The following MACROD2 variants were observed in gnomAD, a reference collection of about 807,000 sequenced individuals.
MACROD2 encodes mono-ADP ribosylhydrolase 2.
A neutral mutation model predicts 70.4 loss-of-function variants in MACROD2; 36 were observed. The observed-to-expected ratio is 0.51, with a 90% CI of 0.39 to 0.68. The LOEUF (loss-of-function observed/expected upper bound fraction) is 0.68. MACROD2 is among the 30% of genes least tolerant of loss of function. The pLI, the probability that MACROD2 is intolerant of heterozygous loss-of-function variation, is 0.00. For missense variants in MACROD2, 496 were observed against 538.4 expected (o/e 0.92, Z 0.78); for synonymous variants, 172 against 178.8 (o/e 0.96, Z 0.30).
chr20:14,055,532 T>C (rs1240849304), intron 2 of MACROD2, among the ~76,000 whole-genome samples: 2 of 148,358 alleles, frequency 1.3e-5, no homozygotes, highest in African/African-American at 2.5e-5. Flanking sequence ...AAAATACATA[T>C]ATATACACAT....
intron 3 of MACROD2, among the ~76,000 whole-genome samples, chr20:14,204,013 C>T (rs1412280737): frequency 1.3e-5 from 2 of 152,144 alleles, no homozygotes; most frequent in African/African-American, 4.8e-5. Flanking sequence ...GCAGCTTAAC[C>T]CTTGGGCCCC....
At chr20:14,003,214 C>T (rs1001682129) in intron 2 of MACROD2, among the ~76,000 whole-genome samples, 2 of 151,980 alleles carry the variant, frequency 1.3e-5, no homozygotes, top group African/African-American at 4.8e-5. Flanking sequence ...TACTATGGGC[C>T]CAGAATAAAG....
At chr20:15,979,060 C>T (rs2066355186) in intron 13 of MACROD2, among the ~76,000 whole-genome samples, 1 of 152,108 alleles carries the variant, frequency 6.6e-6, no homozygotes, top group Admixed American at 6.5e-5. Context: ...CCAGGTCATG[C>T]TAGCAGAGAA....
intron 4 of MACROD2, among the ~76,000 whole-genome samples, chr20:14,570,916 T>C (rs1010079646): frequency 6.6e-6 from 1 of 152,032 alleles, no homozygotes; most frequent in Non-Finnish European, 1.5e-5. Flanking sequence ...TAGCCTGGTT[T>C]ATTCCTACTT....
At chr20:14,545,082 A>G (rs1022845860) in intron 4 of MACROD2, among the ~76,000 whole-genome samples, 4 of 152,326 alleles carry the variant, frequency 2.6e-5, no homozygotes, top group African/African-American at 7.2e-5. Context: ...TGGGAACACT[A>G]TATTCACTCT....
At chr20:15,603,487 G>A (rs1358159874) in intron 8 of MACROD2, among the ~76,000 whole-genome samples, 1 of 137,702 alleles carries the variant, frequency 7.3e-6, no homozygotes, top group African/African-American at 2.8e-5. Flanking sequence ...TAGCCTGGGT[G>A]ACAGAGTGAG....
chr20:14,559,377 TTTAATACCTTA>T (rs1171795254), intron 4 of MACROD2, among the ~76,000 whole-genome samples: 1 of 151,736 alleles, frequency 6.6e-6, no homozygotes, highest in Admixed American at 6.6e-5. Context: ...ATCTAGCAGT[TTTAATACCTTA>T]TACATTTTAA....
At chr20:14,285,015 A>T (rs551450530) in intron 3 of MACROD2, among the ~76,000 whole-genome samples, 1 of 152,342 alleles carries the variant, frequency 6.6e-6, no homozygotes, top group East Asian at 1.9e-4. Flanking sequence ...AACACATTAA[A>T]ATAAATCTGT....
intron 6 of MACROD2, among the ~76,000 whole-genome samples, chr20:15,420,187 T>C (rs576958973): frequency 6.6e-6 from 1 of 152,328 alleles, no homozygotes; most frequent in African/African-American, 2.4e-5. Flanking sequence ...AATAAATTCA[T>C]GGTGAAACTA....
At chr20:15,359,209 CCA>C (rs1164017122) in intron 6 of MACROD2, among the ~76,000 whole-genome samples, 8 of 152,126 alleles carry the variant, frequency 5.3e-5, no homozygotes, top group Non-Finnish European at 8.8e-5. Flanking sequence ...TGCTCATCTT[CCA>C]TAGTCGTTTC....
chr20:14,577,933 A>G (rs1980721626), intron 4 of MACROD2, among the ~76,000 whole-genome samples: 1 of 152,126 alleles, frequency 6.6e-6, no homozygotes, highest in South Asian at 2.1e-4. Context: ...AATTCCCTCA[A>G]TGTAAGATGA....
chr20:14,236,404 C>T (rs1172786246), intron 3 of MACROD2, among the ~76,000 whole-genome samples: 2 of 151,834 alleles, frequency 1.3e-5, no homozygotes, highest in African/African-American at 4.8e-5. Context: ...AGTAGTGTTG[C>T]TTAGAAGACA....
chr20:15,407,745 T>C (rs932559032), intron 6 of MACROD2, among the ~76,000 whole-genome samples: 3 of 152,168 alleles, frequency 2.0e-5, no homozygotes, highest in Non-Finnish European at 4.4e-5. Flanking sequence ...ATTAAATGAA[T>C]ACTAAATTTA....
intron 8 of MACROD2, among the ~76,000 whole-genome samples, chr20:15,851,950 A>G (rs1193551087): frequency 6.6e-6 from 1 of 152,196 alleles, no homozygotes; most frequent in African/African-American, 2.4e-5. Flanking sequence ...TAATCGTGAA[A>G]AGAAAGCCCA....
At chr20:14,664,904 G>A (rs1380529450) in intron 4 of MACROD2, among the ~76,000 whole-genome samples, 1 of 152,032 alleles carries the variant, frequency 6.6e-6, no homozygotes, top group Non-Finnish European at 1.5e-5. Flanking sequence ...ATGTCACTCT[G>A]GAACCTGTGC....
chr20:15,117,416 T>C (rs2075998783), intron 5 of MACROD2, among the ~76,000 whole-genome samples: 1 of 152,188 alleles, frequency 6.6e-6, no homozygotes. Context: ...AAACTGAACA[T>C]GGAACTGAAC....
At chr20:14,707,356 T>C (rs76739468) in intron 5 of MACROD2, among the ~76,000 whole-genome samples, 2 of 152,000 alleles carry the variant, frequency 1.3e-5, no homozygotes, top group Admixed American at 6.6e-5. Flanking sequence ...GAATCCTTCA[T>C]TTTTTTTACA....
chr20:16,005,914 G>C (rs1440123615), intron 15 of MACROD2, among the ~76,000 whole-genome samples: 1 of 152,132 alleles, frequency 6.6e-6, no homozygotes, highest in Non-Finnish European at 1.5e-5. Context: ...CCAGCAGATG[G>C]TTTGAGATTT....
At chr20:14,274,000 T>G (rs2082225248) in intron 3 of MACROD2, among the ~76,000 whole-genome samples, 1 of 152,098 alleles carries the variant, frequency 6.6e-6, no homozygotes, top group South Asian at 2.1e-4. Context: ...GTGGCAATAA[T>G]CAATAGCTTA....
Sources: allele counts gnomAD v4.1 joint callset (sites outside exome capture counted in the v4.1 genomes callset), GRCh38; gene constraint gnomAD v4.1.1; transcripts MANE v1.5; gene names NCBI Gene and HGNC (gene_info 2026-07-23, HGNC 2026-07-21).